Variants in DIP2A observed in about 807,000 individuals in gnomAD.
DIP2A encodes the protein DIP2 acetate--CoA ligase A.
In DIP2A, 85 loss-of-function variants were observed where a neutral mutation model predicts 177.4. That is an observed-to-expected ratio of 0.48 (90% CI 0.40 to 0.57). The LOEUF (loss-of-function observed/expected upper bound fraction) is 0.57, where lower values mean the gene tolerates loss of function less well. Ranked by LOEUF, DIP2A falls within the 20% of genes least tolerant of loss-of-function variation. DIP2A has a pLI of 0.00. For synonymous variants in DIP2A, 886 were observed against 881.8 expected (o/e 1.00, Z -0.08); for missense variants, 1,791 against 2,100.2 (o/e 0.85, Z 2.88).
chr21:46,538,721 C>A, intron 16 of DIP2A, 119 bp downstream of exon 16: 2 of 1,366,938 alleles, frequency 1.5e-6, no homozygotes, highest in Non-Finnish European at 2.0e-6. Context: ...TATAGATACA[C>A]ATGTCCCATC....
chr21:46,561,626 T>A lies in DIP2A; in HGVS notation c.4032-122T>A, dbSNP rs369337407. ...CATGGCAGGTGTGCTGTGGAAAGGT[T>A]GACATCCTGACTGTTGTCAACAGAC... On this transcript the variant is annotated intron_variant, in intron 33 of 37. Transcript: ENST00000417564. 3.1e-6 allele frequency: 4 copies of A among 1,289,374 alleles called. No homozygotes were observed. In the African/African-American group the frequency reaches 5.8e-5, roughly 19 times the overall value. 79.9% of individuals were successfully genotyped at this position (1,289,374 alleles called of 1,614,324 possible).
chr21:46,484,874 A>G, intron 2 of DIP2A, 46 bp downstream of exon 2: 2 of 1,470,286 alleles, frequency 1.4e-6, no homozygotes, highest in Non-Finnish European at 1.8e-6. Context: ...ATATTGTTTC[A>G]TAACATGTGA....
Position 46,538,625 on chromosome 21 carries a change from C to T in DIP2A, c.1921+23C>T, listed in dbSNP as rs574248834. The T allele has an allele frequency of 3.0e-5, 46 of 1,544,950 alleles. 1 individual carries two copies. The South Asian group carries it at 3.8e-4, about 13-fold the overall frequency. ...CGTGTGAGTGAGCCTGTGTGCCCGG[C>T]GCATACCCCACACAGTGTCCCCTCC... On this transcript the variant is annotated intron_variant, in intron 16 of 37. Coordinates refer to ENST00000417564, the MANE Select transcript of DIP2A (RefSeq NM_015151.4).
chr21:46,483,313 A>C (rs1211593482), intron 1 of DIP2A, among the ~76,000 whole-genome samples: 2 of 151,508 alleles, frequency 1.3e-5, no homozygotes, highest in Non-Finnish European at 2.9e-5. Context: ...AAGCTATAAG[A>C]AAATATGTCT....
chr21:46,575,703 TTATAAAA>T, the DIP2A span, among the ~76,000 whole-genome samples: 2 of 152,118 alleles, frequency 1.3e-5, no homozygotes, highest in African/African-American at 4.8e-5. Flanking sequence ...GATGAAAGAC[TTATAAAA>T]TGAAAAGTAC....
At chr21:46,469,405 C>CT (rs551660390) in intron 1 of DIP2A, 1 of 152,328 alleles carries the variant, frequency 6.6e-6, no homozygotes, top group South Asian at 2.1e-4. Flanking sequence ...GCCTTTGTTG[C>CT]TTTAAGTGAC....
chr21:46,552,705 A>G (rs1259079435), intron 25 of DIP2A, among the ~76,000 whole-genome samples: 1 of 152,164 alleles, frequency 6.6e-6, no homozygotes, highest in Non-Finnish European at 1.5e-5. Flanking sequence ...AAGGACCCCT[A>G]CTCTCAGGAG....
chr21:46,486,390 C>T (rs367627044), intron 2 of DIP2A, among the ~76,000 whole-genome samples: 4 of 152,130 alleles, frequency 2.6e-5, no homozygotes, highest in African/African-American at 4.8e-5. Context: ...GATGGGGTCT[C>T]GCTATGTTGC....
At chr21:46,486,085 AAAAAAAGAACT>A (rs1419435026) in intron 2 of DIP2A, among the ~76,000 whole-genome samples, 8 of 46,020 alleles carry the variant, frequency 1.7e-4, no homozygotes, top group African/African-American at 1.1e-3. Context: ...AAAAAAAAAA[AAAAAAAGAACT>A]AAAGAACTAG....
chr21:46,510,518 C>CAAGAG (rs1569002960), intron 7 of DIP2A, among the ~76,000 whole-genome samples: 1 of 152,014 alleles, frequency 6.6e-6, no homozygotes. Context: ...GTGTTTCTTA[C>CAAGAG]CACTTGGGCA....
chr21:46,569,009 AG>A lies in DIP2A; in HGVS notation c.*1388del, dbSNP rs2060908068. 1 of 152,244 alleles carries A rather than the reference AG, an allele frequency of 6.6e-6. No individual in the cohort carries two copies. Among genetic ancestry groups the A allele is most frequent in the South Asian group, 2.1e-4 (1 of 4,838 alleles). 9.4% of individuals were successfully genotyped at this position (152,244 alleles called of 1,614,324 possible). ...TAAAATTATACAGAACCTAAATCAA[AG>A]AAGAGAATGTAAAGTCCTTTAGTTA... On this transcript the variant is annotated 3_prime_UTR_variant, in exon 38 of 38. Transcript: ENST00000417564.
rs2059246950 is a variant in DIP2A, at chr21:46,529,108, G to T, written c.1119G>T (p.Arg373=). 6.6e-7 allele frequency: 1 copy of T among 1,513,520 alleles called. No individual in the cohort carries two copies. Among genetic ancestry groups the T allele is most frequent in the South Asian group, 1.3e-5 (1 of 75,224 alleles). The allele number at this position is 1,513,520 out of a possible 1,614,324, so 93.8% of individuals were successfully genotyped here. Residue 373 remains arginine, a synonymous_variant, in exon 9 of 38, where the codon CGG becomes CGT. Transcript: ENST00000417564. The part of the protein sequence containing the change: ...YTLTYGKLWS[R]SLKLAYTLLN... ...TTGTTTTAGGTAAACTTTGGAGTCG[G>T]AGTTTAAAACTAGCTTATACTCTAC...
At chr21:46,541,946 G>A (rs2059837096) in intron 18 of DIP2A, 51 bp downstream of exon 18, 7 of 1,609,980 alleles carry the variant, frequency 4.3e-6, no homozygotes, top group Admixed American at 1.7e-5. Flanking sequence ...TTGAGGTAAC[G>A]AAAAGGGTTT....
chr21:46,558,238 C>G lies in DIP2A; in HGVS notation c.3814C>G (p.Leu1272Val). ...TGVLRMKGVN[L>V]SCVRTCMVVA... ...CCTCCCGCAGATGAAGGGGGTGAACCTGTCATGTGTGCGCACGTGCATGGT... is the reference window on the plus strand; with the variant it reads ...CCTCCCGCAGATGAAGGGGGTGAACGTGTCATGTGTGCGCACGTGCATGGT... Residue 1272 changes from leucine (L) to valine (V), a missense_variant, in exon 32 of 38, where the codon CTG becomes GTG. Physicochemically the swap from Leu to Val is conservative, Grantham distance 32. Transcript: ENST00000417564. The G allele has an allele frequency of 1.2e-6, 2 of 1,612,334 alleles. No individual in the cohort carries two copies. Among genetic ancestry groups the G allele is most frequent in the Non-Finnish European group, 8.5e-7 (1 of 1,179,616 alleles).
In DIP2A at chr21:46,554,838, G is replaced by A; in HGVS notation, c.3293G>A (p.Cys1098Tyr). Reference sequence around the variant, plus strand: ...GCCATGCAGGTCAGCAAGTCTGCATGCGTCCTCACCACGCAGGCTGTCACA... The same window carrying A: ...GCCATGCAGGTCAGCAAGTCTGCATACGTCCTCACCACGCAGGCTGTCACA... ...KMIVEVSKSACVLTTQAVTRL... is the reference protein window; with the variant it reads ...KMIVEVSKSAYVLTTQAVTRL... Residue 1098 changes from cysteine to tyrosine, a missense_variant, in exon 28 of 38, where the codon TGC becomes TAC. Physicochemically the swap from Cys to Tyr is radical, Grantham distance 194. Coordinates refer to ENST00000417564, the MANE Select transcript of DIP2A (RefSeq NM_015151.4). 6.7e-7 allele frequency: 1 copy of A among 1,489,726 alleles called. No individual in the cohort carries two copies. Among genetic ancestry groups the A allele is most frequent in the Non-Finnish European group, 8.9e-7 (1 of 1,117,438 alleles). The allele number at this position is 1,489,726 out of a possible 1,614,324, so 92.3% of individuals were successfully genotyped here.
chr21:46,480,840 G>A (rs2056296599), intron 1 of DIP2A, among the ~76,000 whole-genome samples: 1 of 152,176 alleles, frequency 6.6e-6, no homozygotes, highest in East Asian at 1.9e-4. Context: ...CGGGCCCTTG[G>A]GGCTCCCAGC....
chr21:46,546,878 G>A (rs73152864), intron 20 of DIP2A, 37 bp from the exon 21 acceptor site: 20,103 of 1,608,928 alleles, frequency 0.012, 177 homozygotes, highest in Non-Finnish European at 0.014. Context: ...GCTTCTGCCC[G>A]TGTGGGTGGA....
intron 3 of DIP2A, among the ~76,000 whole-genome samples, chr21:46,494,706 C>T (rs1208925813): frequency 6.6e-6 from 1 of 152,208 alleles, no homozygotes; most frequent in Non-Finnish European, 1.5e-5. Context: ...GATTGCGTTT[C>T]CTCTTTTCCT....
intron 16 of DIP2A, 120 bp downstream of exon 16, chr21:46,538,722 A>C: frequency 7.3e-7 from 1 of 1,365,978 alleles, no homozygotes; most frequent in Non-Finnish European, 9.8e-7. Flanking sequence ...ATAGATACAC[A>C]TGTCCCATCG....
Sources: gnomAD v4.1 joint callset for allele counts (sites outside exome capture counted in the v4.1 genomes callset) on GRCh38, gnomAD v4.1.1 for gene constraint, MANE v1.5 for transcripts, NCBI Gene and HGNC (gene_info 2026-07-23, HGNC 2026-07-21) for gene names.